Variants in DPP6 observed in about 807,000 individuals in gnomAD.
DPP6 encodes the protein dipeptidyl peptidase like 6.
DPP6 carries 69 observed loss-of-function variants against 122.6 expected under a neutral mutation model. The observed-to-expected ratio is 0.56, with a 90% CI of 0.46 to 0.69. The LOEUF (loss-of-function observed/expected upper bound fraction) is 0.69, where lower values mean the gene tolerates loss of function less well. Among genes scored for constraint, DPP6 ranks in the 30% least tolerant of loss-of-function variants. The probability of loss-of-function intolerance (pLI) is 0.00; values close to 1 mark genes in which losing one functional copy is unlikely to be tolerated. For synonymous variants in DPP6, 418 were observed against 433.1 expected, an observed-to-expected ratio of 0.97 and a Z score of 0.43; for missense variants, 928 against 1,116.9, an observed-to-expected ratio of 0.83 and a Z score of 2.41.
intron 1 of DPP6, among the ~76,000 whole-genome samples, chr7:154,254,492 C>T (rs958075502): frequency 3.3e-5 from 5 of 152,170 alleles, no homozygotes; most frequent in African/African-American, 1.2e-4. Context: ...CTGTACTGAG[C>T]TTCTGAGAAA....
chr7:154,683,295 C>T (rs1305122817), intron 7 of DPP6, among the ~76,000 whole-genome samples: 1 of 152,202 alleles, frequency 6.6e-6, no homozygotes, highest in East Asian at 1.9e-4. Flanking sequence ...GCCAACTGTG[C>T]ACTCCAGACT....
At chr7:154,834,714 GTGGGA>G (rs1406727388) in intron 16 of DPP6, among the ~76,000 whole-genome samples, 3 of 152,228 alleles carry the variant, frequency 2.0e-5, no homozygotes, top group African/African-American at 7.2e-5. Context: ...TTCCGCTGCT[GTGGGA>G]TCGTGATGTT....
chr7:154,374,989 T>C (rs1230033152), intron 1 of DPP6, among the ~76,000 whole-genome samples: 1 of 152,174 alleles, frequency 6.6e-6, no homozygotes, highest in East Asian at 1.9e-4. Context: ...GAAGGCGCTG[T>C]ATTGAAGCAT....
intron 16 of DPP6, among the ~76,000 whole-genome samples, chr7:154,809,088 C>T (rs1241178462): frequency 6.6e-6 from 1 of 152,070 alleles, no homozygotes; most frequent in African/African-American, 2.4e-5. Context: ...CTTACTATAA[C>T]CAGCAAGAAG....
intron 7 of DPP6, 127 bp downstream of exon 7, chr7:154,669,568 A>C (rs1838422370): frequency 1.5e-6 from 2 of 1,329,646 alleles, no homozygotes; most frequent in Admixed American, 6.5e-5. Flanking sequence ...GTGTGTGTGT[A>C]AATTAAAATC....
At chr7:154,749,697 G>A (rs1169555719) in intron 8 of DPP6, among the ~76,000 whole-genome samples, 1 of 54,870 alleles carries the variant, frequency 1.8e-5, no homozygotes, top group Non-Finnish European at 3.8e-5. Context: ...GGATGGGAAA[G>A]AGAGGGATGG....
chr7:154,868,794 C>T (rs1371566782), intron 18 of DPP6, among the ~76,000 whole-genome samples: 5 of 152,214 alleles, frequency 3.3e-5, no homozygotes, highest in African/African-American at 7.2e-5. Context: ...CCCACCAGGT[C>T]GTTACTCTTG....
In DPP6 at chr7:154,559,921, T is replaced by TAGATAG. The variant is rs1830304388; in HGVS notation, c.553-6920_553-6919insGATAGA. Among the ~76,000 whole-genome samples the TAGATAG allele has an allele frequency of 3.4e-5, 5 of 145,072 alleles. No individual in the cohort carries two copies. In the South Asian group the frequency reaches 6.6e-4, roughly 19 times the overall value. On this transcript the variant is annotated intron_variant, in intron 4 of 25. Coordinates refer to ENST00000377770, the MANE Select transcript of DPP6 (RefSeq NM_130797.4). ...CCTTTTTCTCTTAAAAAAAATAATA[T>TAGATAG]ATATAGATATATATATAAAGATATA...
rs2533542 is a variant in DPP6, at chr7:154,007,762, T to C, written c.51+120028T>C. The stretch of plus-strand genomic sequence containing the variant: ...GTTCTGCAGGGCCTGCTGCAGGAAT[T>C]GGTGTCCACAGGGGGTTCTGGAGCC... On this transcript the variant is annotated intron_variant, in intron 1 of 25. Transcript: ENST00000404039. Among the ~76,000 whole-genome samples the C allele has an allele frequency of 4.3e-3, 653 of 151,148 alleles. 11 individuals carry two copies. The highest frequency in any genetic ancestry group is 0.014 in the African/African-American group (577 of 40,652).
chr7:154,582,800 CCACT>C (rs1261196373), intron 5 of DPP6, among the ~76,000 whole-genome samples: 4 of 152,224 alleles, frequency 2.6e-5, no homozygotes, highest in African/African-American at 9.6e-5. Context: ...TGTCCCCTCC[CCACT>C]CACTCTTCCG....
intron 9 of DPP6, among the ~76,000 whole-genome samples, chr7:154,771,968 TC>T (rs1339081121): frequency 6.6e-6 from 1 of 152,164 alleles, no homozygotes; most frequent in East Asian, 1.9e-4. Context: ...CTGACCTTCA[TC>T]CAACCCAGAG....
At chr7:154,091,445 C>A (rs1200450239) in intron 1 of DPP6, among the ~76,000 whole-genome samples, 12 of 152,252 alleles carry the variant, frequency 7.9e-5, no homozygotes, top group Non-Finnish European at 1.2e-4. Flanking sequence ...TTTCTTGTAA[C>A]CCTGGCAGAA....
intron 1 of DPP6, among the ~76,000 whole-genome samples, chr7:154,035,826 A>G (rs1476556865): frequency 6.6e-6 from 1 of 152,224 alleles, no homozygotes. Flanking sequence ...ACATAGTAGT[A>G]CCGTATATTT....
chr7:153,857,805 T>A, the DPP6 span, among the ~76,000 whole-genome samples: 19 of 152,344 alleles, frequency 1.2e-4, no homozygotes, highest in South Asian at 1.0e-3. Flanking sequence ...TTGATCTGCA[T>A]AGTGCTAAAA....
chr7:153,769,436 G>T, the DPP6 span, among the ~76,000 whole-genome samples: 1 of 152,122 alleles, frequency 6.6e-6, no homozygotes, highest in Non-Finnish European at 1.5e-5. Context: ...CAATATTCTA[G>T]CATAGTTGGG....
intron 1 of DPP6, among the ~76,000 whole-genome samples, chr7:153,978,868 T>C (rs1168317467): frequency 6.6e-6 from 1 of 152,066 alleles, no homozygotes; most frequent in African/African-American, 2.4e-5. Context: ...AGTTGTGCAG[T>C]GTTACTTCTG....
chr7:154,148,889 C>G (rs557519677), intron 1 of DPP6, among the ~76,000 whole-genome samples: 181 of 152,286 alleles, frequency 1.2e-3, no homozygotes, highest in Middle Eastern at 0.01. Context: ...ATAAGGAAAT[C>G]AGGATGATAC....
intron 1 of DPP6, among the ~76,000 whole-genome samples, chr7:154,369,471 C>T (rs1316548421): frequency 4.0e-5 from 6 of 150,680 alleles, no homozygotes; most frequent in South Asian, 2.1e-4. Flanking sequence ...TGGGTTCAAG[C>T]GATTCTCCAG....
intron 1 of DPP6, among the ~76,000 whole-genome samples, chr7:153,917,511 G>C (rs1398102016): frequency 1.3e-5 from 2 of 152,164 alleles, no homozygotes; most frequent in African/African-American, 4.8e-5. Context: ...TGGCCACTGA[G>C]GGTTTATAAA....
Sources: allele counts gnomAD v4.1 joint callset (sites outside exome capture counted in the v4.1 genomes callset), GRCh38; gene constraint gnomAD v4.1.1; transcripts MANE v1.5; gene names NCBI Gene and HGNC (gene_info 2026-07-23, HGNC 2026-07-21).